Variants in CRMP1 observed in about 807,000 individuals in gnomAD.
CRMP1 encodes dihydropyrimidinase-related protein 1.
CRMP1 carries 19 observed loss-of-function variants against 68.3 expected under a neutral mutation model. The ratio of observed to expected loss-of-function variants is 0.28; its 90% confidence interval spans 0.19 to 0.41. The LOEUF is 0.41. Ranked by LOEUF, CRMP1 falls within the 10% of genes least tolerant of loss-of-function variation. The pLI, the probability that CRMP1 is intolerant of heterozygous loss-of-function variation, is 1.00. For missense variants in CRMP1, 791 were observed against 967.4 expected (o/e 0.82, Z 2.42); for synonymous variants, 439 against 399.6 (o/e 1.10, Z -1.18).
intron 11 of CRMP1, among the ~76,000 whole-genome samples, chr4:5,832,574 T>C (rs1720453603): frequency 6.6e-6 from 1 of 152,230 alleles, no homozygotes; most frequent in South Asian, 2.1e-4. Context: ...CATTTCTCAA[T>C]CCATGTTCTG....
rs1553909329 is a variant in CRMP1 at position 5,883,655 on chromosome 4, G to GACACACACAT, written c.381+8933_381+8934insATGTGTGTGT. 1.3e-5 allele frequency among the ~76,000 whole-genome samples: 2 copies of GACACACACAT among 149,578 alleles called. No homozygotes were observed. Among genetic ancestry groups the GACACACACAT allele is most frequent in the African/African-American group, 4.9e-5 (2 of 40,638 alleles). On this transcript the variant is annotated intron_variant, in intron 1 of 13. Coordinates refer to ENST00000324989, the MANE Select transcript of CRMP1 (RefSeq NM_001014809.3). The surrounding 1 kb of genome is among the most constrained non-coding windows in gnomAD (Gnocchi z 4.5). ...AGATGGCAAGATAATTAAGGTCAGGGACACACACACACACACACACACACA... is the reference window on the plus strand; with the variant it reads ...AGATGGCAAGATAATTAAGGTCAGGGACACACACATACACACACACACACACACACACACA...
intron 13 of CRMP1, chr4:5,824,765 C>T (rs1459221905): frequency 1.6e-5 from 16 of 984,488 alleles, no homozygotes; most frequent in African/African-American, 1.4e-4. Context: ...GTACCCAGCA[C>T]GGTGTGCAAC....
At position 5,843,856 on chromosome 4, in the gene CRMP1, C is replaced by A. The variant is rs1301401836; in HGVS notation, c.964-695G>T. 6.6e-6 allele frequency among the ~76,000 whole-genome samples: 1 copy of A among 152,172 alleles called. No homozygotes were observed. The highest frequency in any genetic ancestry group is 2.4e-5 in the African/African-American group (1 of 41,434). ...TGTCTTTATGGCGGGAAACCACTAC[C>A]TGAAACTTATCATATAACCTTGAAA... On this transcript the variant is annotated intron_variant, in intron 6 of 13. Coordinates refer to ENST00000324989, the MANE Select transcript of CRMP1 (RefSeq NM_001014809.3). The surrounding 1 kb of genome is among the most constrained non-coding windows in gnomAD (Gnocchi z 4.1).
chr4:5,872,397 A>G lies in CRMP1; in HGVS notation c.382-5641T>C, dbSNP rs115912484. Among the ~76,000 whole-genome samples, 10,340 of 152,282 alleles carry G rather than the reference A, an allele frequency of 0.068. 446 individuals are homozygous for G. The highest frequency in any genetic ancestry group is 0.13 in the Middle Eastern group (38 of 294). ...ACGCTCTGCACAAACATTATTATGTATAACCTAGGCCAGGTGCGGTGGCTC... is the reference window on the plus strand; with the variant it reads ...ACGCTCTGCACAAACATTATTATGTGTAACCTAGGCCAGGTGCGGTGGCTC... On this transcript the variant is annotated intron_variant, in intron 1 of 13. Transcript: ENST00000324989. This position sits in a 1 kb window ranked among gnomAD's most constrained non-coding sequence, Gnocchi z 4.6.
intron 2 of CRMP1, among the ~76,000 whole-genome samples, chr4:5,863,366 C>T (rs1429183772): frequency 6.6e-6 from 1 of 152,188 alleles, no homozygotes; most frequent in African/African-American, 2.4e-5. Flanking sequence ...CAAGGCCACA[C>T]AGCAAGTCAG....
At chr4:5,846,014 G>A (rs1712169206) in intron 6 of CRMP1, among the ~76,000 whole-genome samples, 1 of 152,154 alleles carries the variant, frequency 6.6e-6, no homozygotes, top group Non-Finnish European at 1.5e-5. Flanking sequence ...GGACCTTTTA[G>A]GCTGGGCATG....
In CRMP1 at chr4:5,892,005, C is replaced by G. The variant is rs952956992; in HGVS notation, c.381+584G>C. ...TGAGGGTAGGGGTTTACGGCTCCAA[C>G]TGCCCGACGAACTAAATCCTTAACC... is the stretch of plus-strand genomic sequence containing the variant. On this transcript the variant is annotated intron_variant, in intron 1 of 13. Transcript: ENST00000324989. The surrounding 1 kb of genome is among the most constrained non-coding windows in gnomAD (Gnocchi z 8.6). Among the ~76,000 whole-genome samples, 1 of 152,212 alleles carries G rather than the reference C, an allele frequency of 6.6e-6. No individual in the cohort carries two copies. The highest frequency in any genetic ancestry group is 1.5e-5 in the Non-Finnish European group (1 of 68,044).
chr4:5,829,846 T>G (rs1325489386), intron 11 of CRMP1, among the ~76,000 whole-genome samples: 1 of 152,194 alleles, frequency 6.6e-6, no homozygotes, highest in Non-Finnish European at 1.5e-5. Context: ...TGAAACAGAC[T>G]TTGCATCCAC....
At position 5,883,673 on chromosome 4, in the gene CRMP1, C is replaced by CACACACAT. The variant is rs1715377370; in HGVS notation, c.381+8908_381+8915dup. ...GGTCAGGGACACACACACACACACA[C>CACACACAT]ACACACATGCTTGCCCACCACACCT... On this transcript the variant is annotated intron_variant, in intron 1 of 13. Transcript: ENST00000324989. This position sits in a 1 kb window ranked among gnomAD's most constrained non-coding sequence, Gnocchi z 4.5. 6.6e-6 allele frequency among the ~76,000 whole-genome samples: 1 copy of CACACACAT among 151,980 alleles called. No homozygotes were observed. Among genetic ancestry groups the CACACACAT allele is most frequent in the Non-Finnish European group, 1.5e-5 (1 of 67,974 alleles).
chr4:5,846,042 T>C (rs1712171558), intron 6 of CRMP1, among the ~76,000 whole-genome samples: 1 of 152,118 alleles, frequency 6.6e-6, no homozygotes, highest in African/African-American at 2.4e-5. Flanking sequence ...ACACCTGTAA[T>C]CCCAGCACTG....
At chr4:5,856,103 A>C in intron 4 of CRMP1, 40 bp downstream of exon 4, 2 of 1,608,580 alleles carry the variant, frequency 1.2e-6, no homozygotes, top group Non-Finnish European at 1.7e-6. Context: ...ACCAAAGAAC[A>C]AGGGATTCCC....
intron 11 of CRMP1, among the ~76,000 whole-genome samples, chr4:5,833,968 C>T (rs1249487986): frequency 1.3e-5 from 2 of 152,196 alleles, no homozygotes; most frequent in Non-Finnish European, 2.9e-5. Flanking sequence ...ATGGCGTGAA[C>T]CCGGGAGGCG....
rs1244378960 is a variant in CRMP1, at chr4:5,849,281, G to C, written c.963+111C>G. ...TGTCTGATATGACACCCAGTTCCTG[G>C]CTTGACCTTTCATTGTACAGCCTCC... On this transcript the variant is annotated intron_variant, in intron 6 of 13. Coordinates refer to ENST00000324989, the MANE Select transcript of CRMP1 (RefSeq NM_001014809.3). 1.1e-5 allele frequency: 9 copies of C among 849,874 alleles called. No individual in the cohort carries two copies. The South Asian group carries it at 1.3e-4, about 12-fold the overall frequency. 52.6% of individuals were successfully genotyped at this position (849,874 alleles called of 1,614,324 possible). A position where few individuals can be genotyped will look rare whatever the true frequency, so the allele number is the denominator to read the frequency against.
rs144314281 is a variant in CRMP1, at chr4:5,853,000, C to T, written c.821-1531G>A. ...GGTGCAGGGGGCTGGGGCTCTGGGCCCCAGGAACTGGAACAAGCCAGTCTG... is the reference window on the plus strand; with the variant it reads ...GGTGCAGGGGGCTGGGGCTCTGGGCTCCAGGAACTGGAACAAGCCAGTCTG... On this transcript the variant is annotated intron_variant, in intron 4 of 13. Transcript: ENST00000324989. Among the ~76,000 whole-genome samples, 744 of 152,176 alleles carry T rather than the reference C, an allele frequency of 4.9e-3. 5 individuals carry two copies. Among genetic ancestry groups the T allele is most frequent in the Middle Eastern group, 0.017 (5 of 294 alleles).
intron 6 of CRMP1, among the ~76,000 whole-genome samples, chr4:5,847,838 G>A (rs750999912): frequency 6.6e-5 from 10 of 152,130 alleles, no homozygotes; most frequent in Non-Finnish European, 1.2e-4. Context: ...TCTACCTCAC[G>A]GAGTAGTTGT....
chr4:5,866,541 T>G lies in CRMP1; in HGVS notation c.470+127A>C. ...TGCACCTCCCCCAACCTCTGTGAGG[T>G]CTCTACCCCTGAAACACAGGTACAC... On this transcript the variant is annotated intron_variant, in intron 2 of 13. Transcript: ENST00000324989. This position sits in a 1 kb window ranked among gnomAD's most constrained non-coding sequence, Gnocchi z 5.9. The G allele has an allele frequency of 1.5e-6, 1 of 663,800 alleles. No individual in the cohort carries two copies. Among genetic ancestry groups the G allele is most frequent in the Non-Finnish European group, 2.6e-6 (1 of 386,578 alleles). The allele number at this position is 663,800 out of a possible 1,614,324, so 41.1% of individuals were successfully genotyped here.
At chr4:5,829,263 C>T (rs1720164188) in intron 11 of CRMP1, among the ~76,000 whole-genome samples, 1 of 152,106 alleles carries the variant, frequency 6.6e-6, no homozygotes, top group African/African-American at 2.4e-5. Context: ...GTGGCTCATG[C>T]CTGTACCCCC....
intron 11 of CRMP1, among the ~76,000 whole-genome samples, chr4:5,835,697 G>A (rs1165875752): frequency 2.6e-5 from 4 of 152,086 alleles, no homozygotes; most frequent in African/African-American, 7.2e-5. Flanking sequence ...AGGAGAGGAA[G>A]AGAGAGAGAG....
At position 5,855,500 on chromosome 4, in the gene CRMP1, G is replaced by T. The variant is rs1577797029; in HGVS notation, c.820+643C>A. Among the ~76,000 whole-genome samples, 1 of 152,128 alleles carries T rather than the reference G, an allele frequency of 6.6e-6. No homozygotes were observed. Among genetic ancestry groups the T allele is most frequent in the East Asian group, 1.9e-4 (1 of 5,172 alleles). ...GTTCGATGTAACACACACCATAAAG[G>T]TCTACACTGTGCTGGTGTGAACCCA... is the stretch of plus-strand genomic sequence containing the variant. On this transcript the variant is annotated intron_variant, in intron 4 of 13. Transcript: ENST00000324989. The surrounding 1 kb of genome is among the most constrained non-coding windows in gnomAD (Gnocchi z 4.9).
Sources: allele counts gnomAD v4.1 joint callset (sites outside exome capture counted in the v4.1 genomes callset), GRCh38; gene constraint gnomAD v4.1.1; non-coding constraint Gnocchi (gnomAD v3.1); transcripts MANE v1.5; gene names NCBI Gene and HGNC (gene_info 2026-07-23, HGNC 2026-07-21).